The following ATL2 variants were observed in gnomAD, a reference collection of about 807,000 sequenced individuals.
ATL2 encodes atlastin GTPase 2, also known as atlastin-2.
In ATL2, 31 loss-of-function variants were observed where a neutral mutation model predicts 73.9. That is an observed-to-expected ratio of 0.42 (90% confidence interval 0.32 to 0.57). The LOEUF (loss-of-function observed/expected upper bound fraction) is 0.57, where lower values mean the gene tolerates loss of function less well. Among genes scored for constraint, ATL2 ranks in the 20% least tolerant of loss-of-function variants. The probability of loss-of-function intolerance (pLI) is 0.14; values close to 1 mark genes in which losing one functional copy is unlikely to be tolerated. For missense variants in ATL2, 738 were observed against 702.6 expected, an observed-to-expected ratio of 1.05 and a Z score of -0.57; for synonymous variants, 291 against 237.5, an observed-to-expected ratio of 1.23 and a Z score of -2.07.
intron 1 of ATL2, among the ~76,000 whole-genome samples, chr2:38,356,490 G>A (rs1215769843): frequency 6.6e-6 from 1 of 152,096 alleles, no homozygotes; most frequent in Non-Finnish European, 1.5e-5. Context: ...ACCACGCCTG[G>A]CCCATTATTA....
In ATL2 at chr2:38,298,548, C is replaced by G; in HGVS notation, c.1228G>C (p.Ala410Pro). 1 of 1,614,070 alleles carries G rather than the reference C, an allele frequency of 6.2e-7. No homozygotes were observed. The part of the protein sequence containing the change: ...QVCGGDKPYI[A>P]PSDLERKHLD... ...TGTTTTCGCTCCAGATCTGAAGGTG[C>G]AATGTAAGGCTTGTCCCCTCCACAT... The change falls in exon 12 of 13, where the codon GCA (alanine) becomes CCA (proline). Residue 410 changes from alanine to proline, a missense_variant. Physicochemically the swap from Ala to Pro is conservative, Grantham distance 27. Transcript: ENST00000378954.
In ATL2 at chr2:38,310,305, C is replaced by T. The variant is rs1667676506; in HGVS notation, c.943+4G>A. On this transcript the variant is annotated splice_donor_region_variant and intron_variant, in intron 8 of 12. Transcript: ENST00000378954. The stretch of plus-strand genomic sequence containing the variant: ...CAGATTTTAGCAAGAATGGGAATTC[C>T]CACCTTTCAATCTCCCATCAAAACT... The T allele has an allele frequency of 1.2e-6, 2 of 1,609,696 alleles. No individual in the cohort carries two copies. The highest frequency in any genetic ancestry group is 1.3e-5 in the African/African-American group (1 of 74,628).
At chr2:38,320,557 A>C in intron 2 of ATL2, among the ~76,000 whole-genome samples, 1 of 152,360 alleles carries the variant, frequency 6.6e-6, no homozygotes, top group African/African-American at 2.4e-5. Flanking sequence ...ACAAAAGTTA[A>C]CATATAAGGT....
rs1247402550 is a variant in ATL2, at chr2:38,377,228, C to T, written c.33G>A (p.Gln11=). Residue 11 remains glutamine (Q), a synonymous_variant, in exon 1 of 13, where the codon CAG becomes CAA. Transcript: ENST00000378954. MAEGDEAARG[Q]QPHQGLWRRR... ...GGCGCCACAGCCCCTGGTGCGGTTG[C>T]TGCCCTCGCGCTGCCTCGTCCCCCT... is the stretch of plus-strand genomic sequence containing the variant. 2.5e-6 allele frequency: 4 copies of T among 1,604,080 alleles called. 1 individual carries two copies. In the South Asian group the frequency reaches 4.5e-5, roughly 18 times the overall value.
At chr2:38,345,513 A>G (rs1558435034) in intron 1 of ATL2, among the ~76,000 whole-genome samples, 1 of 152,204 alleles carries the variant, frequency 6.6e-6, no homozygotes, top group African/African-American at 2.4e-5. Context: ...GAAAACAATG[A>G]CAATGCATTA....
intron 1 of ATL2, among the ~76,000 whole-genome samples, chr2:38,374,118 T>C (rs1671835794): frequency 6.6e-6 from 1 of 151,290 alleles, no homozygotes; most frequent in Non-Finnish European, 1.5e-5. Context: ...CTCGAACTCC[T>C]GACCTCAGGT....
At chr2:38,336,240 T>C (rs1016177439) in intron 2 of ATL2, among the ~76,000 whole-genome samples, 2 of 152,242 alleles carry the variant, frequency 1.3e-5, no homozygotes, top group African/African-American at 4.8e-5. Context: ...CTGAGATATT[T>C]GTGCTTGTGG....
chr2:38,311,250 T>C lies in ATL2; in HGVS notation c.805-803A>G, dbSNP rs146935795. ...TGTGTTAGAATTTCAGGTCCCTCTC[T>C]ACATGATTATTTATGATTTATGCTA... On this transcript the variant is annotated intron_variant, in intron 7 of 12. Transcript: ENST00000378954. Among the ~76,000 whole-genome samples the C allele has an allele frequency of 4.5e-3, 681 of 152,284 alleles. 3 individuals are homozygous for C. Among genetic ancestry groups the C allele is most frequent in the African/African-American group, 0.014 (590 of 41,566 alleles).
In ATL2 at chr2:38,314,699, A is replaced by AATTT. The variant is rs578085451; in HGVS notation, c.655-36_655-35insAAAT. 2.8e-4 allele frequency: 379 copies of AATTT among 1,354,130 alleles called. 4 individuals carry two copies. In the African/African-American group the frequency reaches 4.7e-3, roughly 17 times the overall value. The allele number at this position is 1,354,130 out of a possible 1,614,324, so 83.9% of individuals were successfully genotyped here. A position where few individuals can be genotyped will look rare whatever the true frequency, so the allele number is the denominator to read the frequency against. On this transcript the variant is annotated intron_variant, in intron 5 of 12. Transcript: ENST00000378954. ...AGAGTTAGTTAAAATAATGCCTCTA[A>AATTT]AGAGATTGAAAGAAGACATGTGTAA...
intron 2 of ATL2, among the ~76,000 whole-genome samples, chr2:38,321,714 C>CT (rs1293126787): frequency 2.0e-5 from 3 of 151,700 alleles, no homozygotes; most frequent in Non-Finnish European, 4.4e-5. Flanking sequence ...TTCTCTTTTT[C>CT]TTTTTTTTCT....
chr2:38,369,399 C>T (rs1671534483), intron 1 of ATL2, among the ~76,000 whole-genome samples: 1 of 152,084 alleles, frequency 6.6e-6, no homozygotes, highest in South Asian at 2.1e-4. Flanking sequence ...GCCGAGACTG[C>T]TCTACTGCAC....
Position 38,300,337 on chromosome 2 carries a change from G to A in ATL2, c.1072-9C>T. 6.2e-7 allele frequency: 1 copy of A among 1,602,566 alleles called. No homozygotes were observed. Among genetic ancestry groups the A allele is most frequent in the African/African-American group, 1.3e-5 (1 of 74,698 alleles). On this transcript the variant is annotated splice_polypyrimidine_tract_variant and intron_variant, in intron 9 of 12. Coordinates refer to ENST00000378954, the MANE Select transcript of ATL2 (RefSeq NM_001135673.4). The stretch of plus-strand genomic sequence containing the variant: ...TAGATTTTGATGTAAGCCTAAAAAG[G>A]GAGAAGATTTGTTAGACTGACGGAT...
intron 9 of ATL2, among the ~76,000 whole-genome samples, chr2:38,306,564 G>C (rs1350876194): frequency 1.3e-5 from 2 of 152,150 alleles, no homozygotes; most frequent in Admixed American, 1.3e-4. Context: ...GGGATGCAAG[G>C]ACAGTTCAAC....
intron 1 of ATL2, among the ~76,000 whole-genome samples, 162 bp downstream of exon 1, chr2:38,376,981 G>A (rs909446119): frequency 6.6e-6 from 1 of 151,222 alleles, no homozygotes; most frequent in Non-Finnish European, 1.5e-5. Flanking sequence ...GGGAGCGCGG[G>A]GCGCGGCTGA....
chr2:38,296,987 A>T (rs1230567273), intron 12 of ATL2, among the ~76,000 whole-genome samples: 1 of 152,238 alleles, frequency 6.6e-6, no homozygotes, highest in Non-Finnish European at 1.5e-5. Flanking sequence ...CTTAAAAGTG[A>T]AGTTGCGATA....
chr2:38,344,580 A>G (rs1262449586), intron 1 of ATL2, among the ~76,000 whole-genome samples: 3 of 152,218 alleles, frequency 2.0e-5, no homozygotes, highest in Non-Finnish European at 4.4e-5. Flanking sequence ...ACTGCATTCC[A>G]GCCTGGGCAA....
chr2:38,343,767 GT>G (rs1669864903), intron 1 of ATL2, among the ~76,000 whole-genome samples: 1 of 152,086 alleles, frequency 6.6e-6, no homozygotes, highest in African/African-American at 2.4e-5. Context: ...ATTTCCACAT[GT>G]TGTGGGAAGG....
At chr2:38,324,535 T>G (rs549975550) in intron 2 of ATL2, among the ~76,000 whole-genome samples, 27 of 152,308 alleles carry the variant, frequency 1.8e-4, no homozygotes, top group African/African-American at 5.5e-4. Flanking sequence ...TATAAAACAT[T>G]TAACTTTAAA....
intron 1 of ATL2, among the ~76,000 whole-genome samples, chr2:38,372,650 T>C (rs1212222055): frequency 1.3e-5 from 2 of 152,200 alleles, no homozygotes; most frequent in Non-Finnish European, 2.9e-5. Context: ...AAAATGAAGA[T>C]AGCTAAGAAG....
Sources: gnomAD v4.1 joint callset for allele counts (sites outside exome capture counted in the v4.1 genomes callset) on GRCh38, gnomAD v4.1.1 for gene constraint, MANE v1.5 for transcripts, NCBI Gene and HGNC (gene_info 2026-07-23, HGNC 2026-07-21) for gene names.